CHRNA7: variants seen among roughly 807,000 people sequenced by gnomAD.
CHRNA7 encodes cholinergic receptor nicotinic alpha 7 subunit.
A neutral mutation model predicts 48.0 loss-of-function variants in CHRNA7; 17 were observed. The ratio of observed to expected loss-of-function variants is 0.35; its 90% confidence interval spans 0.24 to 0.53. CHRNA7 has a LOEUF of 0.53. Ranked by LOEUF, CHRNA7 falls within the 20% of genes least tolerant of loss-of-function variation. The pLI, the probability that CHRNA7 is intolerant of heterozygous loss-of-function variation, is 0.92. For missense variants in CHRNA7, 155 were observed against 577.7 expected (o/e 0.27, Z 7.50); for synonymous variants, 75 against 242.3 (o/e 0.31, Z 6.41).
chr15:32,142,098 A>G (rs1410992379), intron 4 of CHRNA7, among the ~76,000 whole-genome samples: 3 of 152,304 alleles, frequency 2.0e-5, no homozygotes, highest in East Asian at 1.9e-4. Flanking sequence ...CGTTCCATCA[A>G]TACCTAGTTT....
Position 32,090,676 on chromosome 15 carries a change from T to TTAAG in CHRNA7, c.196-10625_196-10624insAGTA, listed in dbSNP as rs541634525. On this transcript the variant is annotated intron_variant, in intron 2 of 9. Coordinates refer to ENST00000306901, the MANE Select transcript of CHRNA7 (RefSeq NM_000746.6). ...TTCATTCATTTTTTTTTTTCTGTTG[T>TTAAG]TATGAGAGTGATTAATTCTAAGCTA... Among the ~76,000 whole-genome samples the TTAAG allele has an allele frequency of 3.7e-3, 564 of 152,198 alleles. 4 individuals carry two copies. Among genetic ancestry groups the TTAAG allele is most frequent in the African/African-American group, 0.013 (530 of 41,506 alleles).
intron 4 of CHRNA7, among the ~76,000 whole-genome samples, chr15:32,124,278 A>G (rs2051026871): frequency 6.6e-6 from 1 of 152,202 alleles, no homozygotes; most frequent in Non-Finnish European, 1.5e-5. Context: ...AAGACAAAAT[A>G]CGTAAAAAGG....
chr15:32,148,751 C>T (rs1408188253), intron 4 of CHRNA7, among the ~76,000 whole-genome samples: 53 of 152,240 alleles, frequency 3.5e-4, no homozygotes, highest in Non-Finnish European at 5.9e-5. Flanking sequence ...AGCCTCACTG[C>T]TTAGGGCAAC....
chr15:32,090,399 A>G (rs779674743), intron 2 of CHRNA7, among the ~76,000 whole-genome samples: 4 of 152,210 alleles, frequency 2.6e-5, no homozygotes, highest in Non-Finnish European at 4.4e-5. Flanking sequence ...ATGAAATTGT[A>G]GAGACCTCAG....
At position 32,157,687 on chromosome 15, in the gene CHRNA7, C is replaced by G. The variant is rs759533112; in HGVS notation, c.510C>G (p.Ser170=). The G allele has an allele frequency of 5.0e-6, 6 of 1,208,164 alleles. 2 individuals are homozygous for G. In the Admixed American group the frequency reaches 1.2e-4, roughly 25 times the overall value. 74.8% of individuals were successfully genotyped at this position (1,208,164 alleles called of 1,614,324 possible). A position where few individuals can be genotyped will look rare whatever the true frequency, so the allele number is the denominator to read the frequency against. Residue 170 remains serine, a synonymous_variant, in exon 6 of 10, where the codon TCC becomes TCG. Transcript: ENST00000306901. ...DVQHCKLKFG[S]WSYGGWSLDL... ...AGCACTGCAAACTGAAGTTTGGGTC[C>G]TGGTCTTACGGAGGCTGGTCCTTGG... is the stretch of plus-strand genomic sequence containing the variant.
At chr15:32,125,255 C>T (rs2051045893) in intron 4 of CHRNA7, among the ~76,000 whole-genome samples, 2 of 152,220 alleles carry the variant, frequency 1.3e-5, no homozygotes, top group Non-Finnish European at 2.9e-5. Flanking sequence ...GAACAGACCT[C>T]ATTTACACTC....
At chr15:32,128,799 T>C (rs1327825955) in intron 4 of CHRNA7, among the ~76,000 whole-genome samples, 1 of 151,920 alleles carries the variant, frequency 6.6e-6, no homozygotes, top group Non-Finnish European at 1.5e-5. Context: ...TATGCTGAAT[T>C]AGAATGTTAA....
At chr15:32,043,801 CT>C (rs2049489027) in intron 2 of CHRNA7, among the ~76,000 whole-genome samples, 1 of 152,082 alleles carries the variant, frequency 6.6e-6, no homozygotes, top group Non-Finnish European at 1.5e-5. Context: ...TATCTTCTAA[CT>C]TTCATCTGAG....
intron 2 of CHRNA7, among the ~76,000 whole-genome samples, chr15:32,037,776 A>G (rs1056549225): frequency 6.6e-6 from 1 of 151,814 alleles, no homozygotes; most frequent in African/African-American, 2.4e-5. Flanking sequence ...AGTTGCTGTA[A>G]TTGTTTATTA....
At chr15:32,123,910 G>T (rs1337262595) in intron 4 of CHRNA7, among the ~76,000 whole-genome samples, 5 of 106,848 alleles carry the variant, frequency 4.7e-5, no homozygotes, top group African/African-American at 7.4e-5. Context: ...CCCGCCAAAA[G>T]AATCTATAAG....
At chr15:32,087,228 T>G (rs1040965063) in intron 2 of CHRNA7, among the ~76,000 whole-genome samples, 1 of 152,244 alleles carries the variant, frequency 6.6e-6, no homozygotes, top group Non-Finnish European at 1.5e-5. Context: ...AGTATTACCT[T>G]ATTTTGTTGT....
intron 4 of CHRNA7, among the ~76,000 whole-genome samples, chr15:32,150,706 A>G (rs548245278): frequency 2.0e-5 from 3 of 152,250 alleles, no homozygotes; most frequent in South Asian, 2.1e-4. Context: ...TTGGAGGTAA[A>G]TATTTCCAGA....
chr15:32,152,904 CTG>C (rs35351450), intron 4 of CHRNA7, among the ~76,000 whole-genome samples: 1 of 151,796 alleles, frequency 6.6e-6, no homozygotes, highest in Admixed American at 6.6e-5. Flanking sequence ...GCTGTTGGGG[CTG>C]TGTGTGTGTG....
intron 4 of CHRNA7, among the ~76,000 whole-genome samples, chr15:32,146,606 A>G (rs1300122162): frequency 2.0e-5 from 3 of 152,238 alleles, no homozygotes; most frequent in Non-Finnish European, 2.9e-5. Flanking sequence ...GACAGTTAGA[A>G]AATGTAATTT....
At chr15:32,062,151 A>G (rs1309559440) in intron 2 of CHRNA7, among the ~76,000 whole-genome samples, 1 of 152,154 alleles carries the variant, frequency 6.6e-6, no homozygotes, top group Non-Finnish European at 1.5e-5. Context: ...TAAAATGCTT[A>G]TATTACCACT....
At chr15:32,061,546 G>A (rs746009736) in intron 2 of CHRNA7, among the ~76,000 whole-genome samples, 1 of 152,148 alleles carries the variant, frequency 6.6e-6, no homozygotes, top group South Asian at 2.1e-4. Context: ...GGTGGCTCAC[G>A]TCTGCAATTC....
chr15:32,097,628 A>G (rs1296473349), intron 2 of CHRNA7, among the ~76,000 whole-genome samples: 1 of 152,238 alleles, frequency 6.6e-6, no homozygotes, highest in Non-Finnish European at 1.5e-5. Context: ...ATATTTTGTT[A>G]TAAGCGTCCA....
At chr15:32,068,726 G>GA (rs201638097) in intron 2 of CHRNA7, among the ~76,000 whole-genome samples, 4 of 141,808 alleles carry the variant, frequency 2.8e-5, no homozygotes, top group Middle Eastern at 7.2e-3. Flanking sequence ...CCATCTCGGG[G>GA]AAAAAAAAAA....
chr15:32,062,845 TA>T (rs1273438899), intron 2 of CHRNA7, among the ~76,000 whole-genome samples: 4 of 152,136 alleles, frequency 2.6e-5, no homozygotes, highest in Non-Finnish European at 5.9e-5. Flanking sequence ...AGAAATGCAT[TA>T]TTAGGCGATT....
Sources: gnomAD v4.1 joint callset for allele counts (sites outside exome capture counted in the v4.1 genomes callset) on GRCh38, gnomAD v4.1.1 for gene constraint, MANE v1.5 for transcripts, NCBI Gene and HGNC (gene_info 2026-07-23, HGNC 2026-07-21) for gene names.